The following BMP6 variants were observed in gnomAD, a reference collection of about 807,000 sequenced individuals.
The protein encoded by BMP6 is bone morphogenetic protein 6.
In BMP6, 17 loss-of-function variants were observed where a neutral mutation model predicts 54.1. That is an observed-to-expected ratio of 0.31 (90% confidence interval 0.22 to 0.47). The LOEUF is 0.47. Among genes scored for constraint, BMP6 ranks in the 20% least tolerant of loss-of-function variants. The pLI is 1.00. For synonymous variants in BMP6, 328 were observed against 291.2 expected, an observed-to-expected ratio of 1.13 and a Z score of -1.28; for missense variants, 720 against 690.4, an observed-to-expected ratio of 1.04 and a Z score of -0.48.
At chr6:7,857,627 A>C (rs952943698) in intron 2 of BMP6, among the ~76,000 whole-genome samples, 1 of 152,228 alleles carries the variant, frequency 6.6e-6, no homozygotes, top group African/African-American at 2.4e-5. Flanking sequence ...GAACTCTGCC[A>C]AAGTGAGATT....
intron 1 of BMP6, among the ~76,000 whole-genome samples, chr6:7,833,401 G>C (rs933448858): frequency 1.3e-5 from 2 of 152,202 alleles, no homozygotes; most frequent in Non-Finnish European, 2.9e-5. Context: ...TAGGGTGGCA[G>C]GGTAGACAGA....
At chr6:7,769,395 A>G (rs1412995994) in intron 1 of BMP6, among the ~76,000 whole-genome samples, 1 of 152,216 alleles carries the variant, frequency 6.6e-6, no homozygotes, top group Non-Finnish European at 1.5e-5. Flanking sequence ...TGGCATCAGC[A>G]TGTTTAAAAA....
chr6:7,769,766 C>CTT (rs1174616797), intron 1 of BMP6, among the ~76,000 whole-genome samples: 1 of 152,118 alleles, frequency 6.6e-6, no homozygotes, highest in Non-Finnish European at 1.5e-5. Context: ...AGAGGTTGAT[C>CTT]TTGAATTTTT....
intron 1 of BMP6, among the ~76,000 whole-genome samples, chr6:7,754,408 C>T (rs1357975009): frequency 6.6e-6 from 1 of 151,752 alleles, no homozygotes; most frequent in Non-Finnish European, 1.5e-5. Flanking sequence ...CACGCCCAGC[C>T]CAAATCTTTA....
At chr6:7,877,619 T>A (rs1280867916) in intron 4 of BMP6, among the ~76,000 whole-genome samples, 1 of 151,094 alleles carries the variant, frequency 6.6e-6, no homozygotes, top group Non-Finnish European at 1.5e-5. Context: ...CAAGACTCTG[T>A]CTCAAAAGAA....
intron 1 of BMP6, among the ~76,000 whole-genome samples, chr6:7,807,259 A>G (rs1247960668): frequency 6.6e-6 from 1 of 152,102 alleles, no homozygotes; most frequent in Non-Finnish European, 1.5e-5. Context: ...CAGCATCAGC[A>G]TCTCCTGGGA....
intron 1 of BMP6, among the ~76,000 whole-genome samples, chr6:7,744,109 T>C (rs897218524): frequency 6.6e-6 from 1 of 152,254 alleles, no homozygotes; most frequent in Non-Finnish European, 1.5e-5. Context: ...CTGTATCTGC[T>C]TTATCAGGTA....
chr6:7,727,967 C>G (rs1244480553), intron 1 of BMP6, among the ~76,000 whole-genome samples: 5 of 151,996 alleles, frequency 3.3e-5, no homozygotes, highest in Non-Finnish European at 2.9e-5. Flanking sequence ...CAGGTTAACT[C>G]AACTGCAGCA....
chr6:7,825,495 C>T (rs893317649), intron 1 of BMP6, among the ~76,000 whole-genome samples: 15 of 151,814 alleles, frequency 9.9e-5, no homozygotes, highest in Admixed American at 3.9e-4. Flanking sequence ...CTGAGGCGGG[C>T]GGATCACCTG....
chr6:7,835,907 G>A (rs1236809825), intron 1 of BMP6, among the ~76,000 whole-genome samples: 2 of 151,906 alleles, frequency 1.3e-5, no homozygotes, highest in Non-Finnish European at 2.9e-5. Flanking sequence ...CGTGATCTCG[G>A]CTCCCTGCAA....
intron 1 of BMP6, among the ~76,000 whole-genome samples, chr6:7,812,242 A>T (rs554893881): frequency 2.0e-5 from 3 of 152,352 alleles, no homozygotes; most frequent in Non-Finnish European, 4.4e-5. Context: ...TCCATATAAT[A>T]ACTATTTTAA....
chr6:7,861,325 TG>T (rs200140170), intron 2 of BMP6, 125 bp from the exon 3 acceptor site: 18,758 of 1,253,396 alleles, frequency 0.015, 195 homozygotes, highest in Non-Finnish European at 0.018. Context: ...CAAGTCACTG[TG>T]CTTGTGCCTC....
Position 7,727,420 on chromosome 6 carries a change from G to A in BMP6, c.465G>A (p.Gly155=), listed in dbSNP as rs777999429. 6 of 1,606,992 alleles carry A rather than the reference G, an allele frequency of 3.7e-6. No homozygotes were observed. Among genetic ancestry groups the A allele is most frequent in the African/African-American group, 1.3e-5 (1 of 74,586 alleles). Reference sequence around the variant, plus strand: ...ACGACGAGGACGGGGCGTCGGAGGGGGAGAGGCAGCAGTCCTGGCCCCACG... The same window carrying A: ...ACGACGAGGACGGGGCGTCGGAGGGAGAGAGGCAGCAGTCCTGGCCCCACG... ...ADNDEDGASE[G]ERQQSWPHEA... Residue 155 remains glycine (G), a synonymous_variant, in exon 1 of 7, where the codon GGG becomes GGA. Transcript: ENST00000283147.
At chr6:7,819,502 T>G (rs1366090167) in intron 1 of BMP6, among the ~76,000 whole-genome samples, 17 of 151,620 alleles carry the variant, frequency 1.1e-4, no homozygotes, top group Admixed American at 1.1e-3. Context: ...CAAACGGAGA[T>G]AAACAGGGAG....
intron 1 of BMP6, among the ~76,000 whole-genome samples, chr6:7,830,113 T>C (rs912220777): frequency 6.6e-6 from 1 of 152,150 alleles, no homozygotes; most frequent in African/African-American, 2.4e-5. Flanking sequence ...TCATCACTTT[T>C]CAACTTTTTC....
At chr6:7,862,628 C>A in intron 4 of BMP6, 130 bp downstream of exon 4, 1 of 1,168,950 alleles carries the variant, frequency 8.6e-7, no homozygotes, top group Non-Finnish European at 1.2e-6. Flanking sequence ...GTGTCATATG[C>A]ATGATGGTAC....
intron 1 of BMP6, among the ~76,000 whole-genome samples, chr6:7,758,982 C>T (rs371579662): frequency 6.6e-6 from 1 of 152,222 alleles, no homozygotes; most frequent in Admixed American, 6.5e-5. Context: ...AGACCAAGAG[C>T]TCCTAAGAGC....
intron 1 of BMP6, among the ~76,000 whole-genome samples, chr6:7,768,829 CTT>C (rs1482031453): frequency 6.6e-6 from 1 of 152,164 alleles, no homozygotes; most frequent in African/African-American, 2.4e-5. Context: ...TCCCCTAACA[CTT>C]TGTGGCTTTC....
chr6:7,821,806 A>G (rs1469064755), intron 1 of BMP6, among the ~76,000 whole-genome samples: 1 of 152,198 alleles, frequency 6.6e-6, no homozygotes, highest in African/African-American at 2.4e-5. Flanking sequence ...ATTCATTCTT[A>G]AGCAAGACAT....
Sources: allele counts gnomAD v4.1 joint callset (sites outside exome capture counted in the v4.1 genomes callset), GRCh38; gene constraint gnomAD v4.1.1; transcripts MANE v1.5; gene names NCBI Gene and HGNC (gene_info 2026-07-23, HGNC 2026-07-21).